Variants in RPL19 observed in about 807,000 individuals in gnomAD.
RPL19 encodes the protein large ribosomal subunit protein eL19.
RPL19 carries 2 observed loss-of-function variants against 25.1 expected under a neutral mutation model. The observed-to-expected ratio is 0.08, with a 90% confidence interval of 0.03 to 0.25. The LOEUF (loss-of-function observed/expected upper bound fraction) is 0.25, where lower values mean the gene tolerates loss of function less well. Ranked by LOEUF, RPL19 falls within the 10% of genes least tolerant of loss-of-function variation. The probability of loss-of-function intolerance (pLI) is 1.00; values close to 1 mark genes in which losing one functional copy is unlikely to be tolerated. For synonymous variants in RPL19, 89 were observed against 91.2 expected (o/e 0.98, Z 0.14); for missense variants, 123 against 271.8 (o/e 0.45, Z 3.85).
intron 3 of RPL19, 58 bp from the exon 4 acceptor site, chr17:39,202,931 T>G (rs758925501): frequency 1.0e-5 from 16 of 1,593,898 alleles, no homozygotes; most frequent in Non-Finnish European, 1.4e-5. Flanking sequence ...ATTCACTTGG[T>G]GTACTTATAC....
Position 39,202,313 on chromosome 17 carries a change from C to T in RPL19, c.113-4C>T. 1.9e-6 allele frequency: 3 copies of T among 1,613,426 alleles called. No homozygotes were observed. The highest frequency in any genetic ancestry group is 2.5e-6 in the Non-Finnish European group (3 of 1,179,900). ...GACTGACCAGGTGCATTATGCTTTC[C>T]CAGGTCAGCAGATCCGGAAGCTCAT... On this transcript the variant is annotated splice_region_variant and splice_polypyrimidine_tract_variant and intron_variant, in intron 2 of 5. Coordinates refer to ENST00000225430, the MANE Select transcript of RPL19 (RefSeq NM_000981.4).
At chr17:39,203,621 G>T (rs2046305397) in intron 4 of RPL19, among the ~76,000 whole-genome samples, 1 of 151,710 alleles carries the variant, frequency 6.6e-6, no homozygotes, top group African/African-American at 2.4e-5. Flanking sequence ...CACTTCACCT[G>T]CCTCACCGTC....
chr17:39,202,300 G>A lies in RPL19; in HGVS notation c.113-17G>A, dbSNP rs1344284124. 1 of 1,612,792 alleles carries A rather than the reference G, an allele frequency of 6.2e-7. No homozygotes were observed. The highest frequency in any genetic ancestry group is 2.2e-5 in the East Asian group (1 of 44,872). On this transcript the variant is annotated splice_polypyrimidine_tract_variant and intron_variant, in intron 2 of 5. Transcript: ENST00000225430. ...TTGGGCCCCAGTTGACTGACCAGGTGCATTATGCTTTCCCAGGTCAGCAGA... is the reference window on the plus strand; with the variant it reads ...TTGGGCCCCAGTTGACTGACCAGGTACATTATGCTTTCCCAGGTCAGCAGA...
In RPL19 at chr17:39,204,532, G is replaced by A; in HGVS notation, c.475G>A (p.Ala159Thr). The A allele has an allele frequency of 6.2e-7, 1 of 1,614,146 alleles. No homozygotes were observed. Among genetic ancestry groups the A allele is most frequent in the Non-Finnish European group, 8.5e-7 (1 of 1,180,018 alleles). ...KARKKLLADQ[A>T]EARRSKTKEA... Reference sequence around the variant, plus strand: ...TTTCTCTTCCCTGACCAGTGACCAGGCTGAGGCCCGCAGGTCTAAGACCAA... The same window carrying A: ...TTTCTCTTCCCTGACCAGTGACCAGACTGAGGCCCGCAGGTCTAAGACCAA... The change falls in exon 6 of 6, where the codon GCT becomes ACT. Residue 159 changes from alanine (A) to threonine (T), a missense_variant. Ala to Thr is a moderately conservative substitution (Grantham distance 58). Coordinates refer to ENST00000225430, the MANE Select transcript of RPL19 (RefSeq NM_000981.4).
chr17:39,201,416 TAGAC>T, intron 2 of RPL19, 97 bp downstream of exon 2: 1 of 710,506 alleles, frequency 1.4e-6, no homozygotes, highest in Admixed American at 2.5e-5. Context: ...TTTTTTTTTT[TAGAC>T]AGTCTTGCTC....
intron 2 of RPL19, 147 bp from the exon 3 acceptor site, chr17:39,202,170 T>C (rs2046294813): frequency 6.1e-6 from 6 of 991,486 alleles, no homozygotes; most frequent in Middle Eastern, 6.7e-4. Flanking sequence ...TTTTGGGTTT[T>C]TGAAGGCAAG....
At position 39,204,598 on chromosome 17, in the gene RPL19, A is replaced by G; in HGVS notation, c.541A>G (p.Lys181Glu). The G allele has an allele frequency of 6.2e-7, 1 of 1,614,134 alleles. No individual in the cohort carries two copies. Among genetic ancestry groups the G allele is most frequent in the Non-Finnish European group, 8.5e-7 (1 of 1,179,972 alleles). The change falls in exon 6 of 6, where the codon AAG becomes GAG. Residue 181 changes from lysine (K) to glutamate (E), a missense_variant. Coordinates refer to ENST00000225430, the MANE Select transcript of RPL19 (RefSeq NM_000981.4). ...KRREERLQAK[K>E]EEIIKTLSKE... ...CCGTGAAGAGCGCCTCCAGGCCAAG[A>G]AGGAGGAGATCATCAAGACTTTATC... is the stretch of plus-strand genomic sequence containing the variant.
chr17:39,203,625 C>T (rs1038590161), intron 4 of RPL19, among the ~76,000 whole-genome samples: 2 of 151,986 alleles, frequency 1.3e-5, no homozygotes, highest in African/African-American at 4.8e-5. Context: ...TCACCTGCCT[C>T]ACCGTCTCAA....
chr17:39,204,515 C>A lies in RPL19; in HGVS notation c.468-10C>A, dbSNP rs111750810. 2.0e-5 allele frequency: 32 copies of A among 1,614,056 alleles called. 2 individuals carry two copies. The African/African-American group carries it at 2.5e-4, about 13-fold the overall frequency. On this transcript the variant is annotated splice_polypyrimidine_tract_variant and intron_variant, in intron 5 of 5. Coordinates refer to ENST00000225430, the MANE Select transcript of RPL19 (RefSeq NM_000981.4). ...CCCAAACTGACCCGTCTTTTCTCTT[C>A]CCTGACCAGTGACCAGGCTGAGGCC... is the stretch of plus-strand genomic sequence containing the variant.
At chr17:39,200,399 C>G in intron 1 of RPL19, 50 bp downstream of exon 1, 1 of 1,492,140 alleles carries the variant, frequency 6.7e-7, no homozygotes, top group Non-Finnish European at 9.0e-7. Flanking sequence ...CGACAAGGGA[C>G]TGTCGGTCTT....
Position 39,202,423 on chromosome 17 carries a change from C to T in RPL19, c.219C>T (p.Gly73=), listed in dbSNP as rs1386388884. The stretch of plus-strand genomic sequence containing the variant: ...AAAACACCTTGGCCCGCCGGAAGGG[C>T]AGGCACATGGGCATAGGTAAGTGTG... ...CRKNTLARRK[G]RHMGIGKRKG... Residue 73 remains glycine, a synonymous_variant, in exon 3 of 6, where the codon GGC becomes GGT. Coordinates refer to ENST00000225430, the MANE Select transcript of RPL19 (RefSeq NM_000981.4). The T allele has an allele frequency of 1.9e-6, 3 of 1,614,204 alleles. No individual in the cohort carries two copies. In the South Asian group the frequency reaches 3.3e-5, roughly 18 times the overall value.
At chr17:39,200,516 A>T in intron 1 of RPL19, 167 bp downstream of exon 1, 33 of 1,171,478 alleles carry the variant, frequency 2.8e-5, no homozygotes, top group Middle Eastern at 3.6e-4. Flanking sequence ...CTCCGGAGTG[A>T]GGGGGGGCGG....
In RPL19 at chr17:39,204,512, C is replaced by T. The variant is rs368514848; in HGVS notation, c.468-13C>T. 2 of 1,613,792 alleles carry T rather than the reference C, an allele frequency of 1.2e-6. No homozygotes were observed. Among genetic ancestry groups the T allele is most frequent in the Non-Finnish European group, 1.7e-6 (2 of 1,179,820 alleles). On this transcript the variant is annotated splice_polypyrimidine_tract_variant and intron_variant, in intron 5 of 5. Coordinates refer to ENST00000225430, the MANE Select transcript of RPL19 (RefSeq NM_000981.4). ...CTTCCCAAACTGACCCGTCTTTTCTCTTCCCTGACCAGTGACCAGGCTGAG... is the reference window on the plus strand; with the variant it reads ...CTTCCCAAACTGACCCGTCTTTTCTTTTCCCTGACCAGTGACCAGGCTGAG...
At chr17:39,202,087 G>A (rs1312473714) in intron 2 of RPL19, among the ~76,000 whole-genome samples, 1 of 152,210 alleles carries the variant, frequency 6.6e-6, no homozygotes, top group Non-Finnish European at 1.5e-5. Context: ...GGGCAACATA[G>A]GGAGACTGTC....
At chr17:39,203,927 A>T in intron 4 of RPL19, 150 bp from the exon 5 acceptor site, 1 of 585,744 alleles carries the variant, frequency 1.7e-6, no homozygotes, top group South Asian at 2.0e-5. Context: ...AACTGCACAC[A>T]AAAAAGTCAT....
chr17:39,200,952 T>C (rs2046282778), intron 1 of RPL19, among the ~76,000 whole-genome samples: 2 of 152,148 alleles, frequency 1.3e-5, no homozygotes, highest in Admixed American at 1.3e-4. Context: ...ATAACCCCCC[T>C]ATTCAATCCA....
Position 39,200,343 on chromosome 17 carries a change from C to G in RPL19, c.-2C>G, listed in dbSNP as rs769874376. On this transcript the variant is annotated 5_prime_UTR_variant, in exon 1 of 6. Transcript: ENST00000225430. ...TTTCCTTTCGCTGCTGCGGCCGCAG[C>G]CATGAGGTGAGGGCGAGCTGGTCTC... 1.7e-5 allele frequency: 27 copies of G among 1,565,408 alleles called. No homozygotes were observed. Among genetic ancestry groups the G allele is most frequent in the Non-Finnish European group, 2.1e-5 (24 of 1,158,244 alleles).
At chr17:39,200,694 G>A (rs2046280475) in intron 1 of RPL19, 1 of 1,102,328 alleles carries the variant, frequency 9.1e-7, no homozygotes, top group East Asian at 5.7e-5. Flanking sequence ...GCTTTCACGT[G>A]ATGTAGGGCA....
intron 2 of RPL19, 69 bp from the exon 3 acceptor site, chr17:39,202,248 C>A (rs2046295625): frequency 2.5e-6 from 4 of 1,592,556 alleles, no homozygotes; most frequent in Non-Finnish European, 2.6e-6. Context: ...TGTCTCTGGC[C>A]TGGCCTATTT....
Sources: gnomAD v4.1 joint callset for allele counts (sites outside exome capture counted in the v4.1 genomes callset) on GRCh38, gnomAD v4.1.1 for gene constraint, MANE v1.5 for transcripts, NCBI Gene and HGNC (gene_info 2026-07-23, HGNC 2026-07-21) for gene names.